RALGPS2: variants seen among roughly 807,000 people sequenced by gnomAD.
RALGPS2 encodes the protein Ral GEF with PH domain and SH3 binding motif 2, also known as ras-specific guanine nucleotide-releasing factor RalGPS2.
Under a neutral mutation model 86.8 loss-of-function variants are expected in RALGPS2, and 43 were observed. The observed-to-expected ratio is 0.50, with a 90% confidence interval of 0.39 to 0.64. The LOEUF (loss-of-function observed/expected upper bound fraction) is 0.64. Among genes scored for constraint, RALGPS2 ranks in the 30% least tolerant of loss-of-function variants. RALGPS2 has a pLI of 0.00. For missense variants in RALGPS2, 536 were observed against 694.6 expected, an observed-to-expected ratio of 0.77 and a Z score of 2.57; for synonymous variants, 243 against 231.3, an observed-to-expected ratio of 1.05 and a Z score of -0.46.
rs146929160 is a variant in RALGPS2, at chr1:178,768,848, T to C, written c.-83-7834T>C. 1.6e-4 allele frequency among the ~76,000 whole-genome samples: 25 copies of C among 152,296 alleles called. No homozygotes were observed. The East Asian group carries it at 4.6e-3, about 28-fold the overall frequency. ...TCCTTGACCCCAAGTTCTCTACACA[T>C]AGATAGGAGTGGCCTAAACTCATAA... On this transcript the variant is annotated intron_variant, in intron 1 of 19. Transcript: ENST00000367635.
At chr1:178,905,669 A>G (rs1660360040) in intron 18 of RALGPS2, among the ~76,000 whole-genome samples, 1 of 152,252 alleles carries the variant, frequency 6.6e-6, no homozygotes, top group Non-Finnish European at 1.5e-5. Flanking sequence ...GTGAAATAAA[A>G]AGAACTTAGG....
rs16853342 is a variant in RALGPS2 at position 178,791,540 on chromosome 1, C to T, written c.213+5933C>T. ...ATTTCAATTTTGAAGAATATAGATT[C>T]TGAATCCAACTGTGTGGTATAGTGA... On this transcript the variant is annotated intron_variant, in intron 4 of 19. Coordinates refer to ENST00000367635, the MANE Select transcript of RALGPS2 (RefSeq NM_152663.5). Among the ~76,000 whole-genome samples, 286 of 152,192 alleles carry T rather than the reference C, an allele frequency of 1.9e-3. 2 individuals are homozygous for T. The South Asian group carries it at 0.025, about 13-fold the overall frequency.
intron 4 of RALGPS2, among the ~76,000 whole-genome samples, chr1:178,800,584 A>G (rs956872190): frequency 2.0e-5 from 3 of 152,202 alleles, no homozygotes; most frequent in Non-Finnish European, 4.4e-5. Flanking sequence ...AATATAGTGT[A>G]TTATACATAT....
At chr1:178,761,503 G>A (rs1178674333) in intron 1 of RALGPS2, among the ~76,000 whole-genome samples, 2 of 151,814 alleles carry the variant, frequency 1.3e-5, no homozygotes, top group African/African-American at 2.4e-5. Context: ...TCTAAGCTCT[G>A]AAATTCTTTC....
intron 4 of RALGPS2, among the ~76,000 whole-genome samples, chr1:178,788,536 C>T (rs1449967815): frequency 6.6e-6 from 1 of 152,010 alleles, no homozygotes; most frequent in Non-Finnish European, 1.5e-5. Context: ...GCATTAAGGC[C>T]TAAAGGAGGT....
chr1:178,791,924 G>A (rs933219312), intron 4 of RALGPS2, among the ~76,000 whole-genome samples: 13 of 152,154 alleles, frequency 8.5e-5, no homozygotes, highest in African/African-American at 2.9e-4. Context: ...TTATTTCACT[G>A]TAGAAACTGT....
chr1:178,899,831 A>G (rs1660096708), intron 17 of RALGPS2, among the ~76,000 whole-genome samples: 1 of 151,796 alleles, frequency 6.6e-6, no homozygotes, highest in Non-Finnish European at 1.5e-5. Context: ...TGACAACTAA[A>G]TGCAATGTAT....
chr1:178,743,261 A>G (rs1335756733), intron 1 of RALGPS2, among the ~76,000 whole-genome samples: 1 of 152,220 alleles, frequency 6.6e-6, no homozygotes, highest in African/African-American at 2.4e-5. Flanking sequence ...AGTAGAACTC[A>G]GAAAGAATTT....
In RALGPS2 at chr1:178,808,054, A is replaced by G; in HGVS notation, c.223A>G (p.Ser75Gly). 2 of 1,606,682 alleles carry G rather than the reference A, an allele frequency of 1.2e-6. No individual in the cohort carries two copies. Among genetic ancestry groups the G allele is most frequent in the South Asian group, 1.1e-5 (1 of 90,394 alleles). The change falls in exon 5 of 20, where the codon AGT becomes GGT. Residue 75 changes from serine to glycine, a missense_variant. Ser to Gly is a moderately conservative substitution (Grantham distance 56, BLOSUM62 0). Transcript: ENST00000367635. ...CACCTTAATTTTCCAGGAGCTTTCA[A>G]GTTGTGGATGGAATAAAAAAGAAAA... is the stretch of plus-strand genomic sequence containing the variant. ...FKAIQPDELS[S>G]CGWNKKEKYS...
At chr1:178,825,324 C>T (rs555212996) in intron 7 of RALGPS2, among the ~76,000 whole-genome samples, 1 of 151,900 alleles carries the variant, frequency 6.6e-6, no homozygotes, top group African/African-American at 2.4e-5. Context: ...GATGAGGAAA[C>T]TAAGCCAAGT....
intron 1 of RALGPS2, among the ~76,000 whole-genome samples, chr1:178,746,393 G>A (rs1387208180): frequency 1.3e-5 from 2 of 152,062 alleles, no homozygotes; most frequent in Non-Finnish European, 2.9e-5. Flanking sequence ...AATACAGTAG[G>A]AATGGCAGTA....
chr1:178,756,276 G>T (rs1651952649), intron 1 of RALGPS2, among the ~76,000 whole-genome samples: 1 of 151,878 alleles, frequency 6.6e-6, no homozygotes, highest in African/African-American at 2.4e-5. Context: ...TTTTTTCTAG[G>T]GTTCTTATAA....
intron 5 of RALGPS2, 38 bp downstream of exon 5, chr1:178,808,166 G>T (rs1654825304): frequency 7.6e-7 from 1 of 1,313,418 alleles, no homozygotes; most frequent in Non-Finnish European, 1.1e-6. Flanking sequence ...CTGAAATTCA[G>T]TTCCTCAATA....
intron 1 of RALGPS2, among the ~76,000 whole-genome samples, chr1:178,757,421 G>A (rs192890871): frequency 6.6e-6 from 1 of 152,300 alleles, no homozygotes; most frequent in Non-Finnish European, 1.5e-5. Context: ...ATGATTGGCT[G>A]TGGGTTTGTC....
chr1:178,761,097 C>G (rs1477075871), intron 1 of RALGPS2, among the ~76,000 whole-genome samples: 4 of 151,804 alleles, frequency 2.6e-5, no homozygotes, highest in Non-Finnish European at 4.4e-5. Flanking sequence ...GGCTCAGCCT[C>G]CCAGGTAGCT....
intron 8 of RALGPS2, among the ~76,000 whole-genome samples, chr1:178,868,124 T>G (rs1396538277): frequency 6.6e-6 from 1 of 152,010 alleles, no homozygotes; most frequent in Non-Finnish European, 1.5e-5. Flanking sequence ...TTTAGCTTTT[T>G]ATGTTTTCAT....
intron 8 of RALGPS2, among the ~76,000 whole-genome samples, chr1:178,847,725 T>C (rs1656935414): frequency 6.6e-6 from 1 of 152,200 alleles, no homozygotes; most frequent in Admixed American, 6.5e-5. Context: ...GCTGCTTATA[T>C]TACCAGCAGG....
intron 8 of RALGPS2, chr1:178,852,949 C>T (rs1370485363): frequency 2.5e-6 from 4 of 1,606,770 alleles, no homozygotes; most frequent in Non-Finnish European, 3.4e-6. Context: ...GTTTCCAAAC[C>T]CTTTCTGTTA....
At position 178,753,104 on chromosome 1, in the gene RALGPS2, C is replaced by T. The variant is rs138496456; in HGVS notation, c.-83-23578C>T. Among the ~76,000 whole-genome samples, 136 of 152,284 alleles carry T rather than the reference C, an allele frequency of 8.9e-4. 2 individuals carry two copies. In the East Asian group the frequency reaches 0.022, roughly 25 times the overall value. On this transcript the variant is annotated intron_variant, in intron 1 of 19. Transcript: ENST00000367635. ...TGAACTACTGGTAGTCCACTGAATA[C>T]GAGGCACTGAATGTGCCATACTGGT...
Sources: allele counts gnomAD v4.1 joint callset (sites outside exome capture counted in the v4.1 genomes callset), GRCh38; gene constraint gnomAD v4.1.1; transcripts MANE v1.5; gene names NCBI Gene and HGNC (gene_info 2026-07-23, HGNC 2026-07-21).